ANO9: variants seen among roughly 807,000 people sequenced by gnomAD.
ANO9 encodes anoctamin 9, also known as anoctamin-9.
A neutral mutation model predicts 100.5 loss-of-function variants in ANO9; 80 were observed. That is an observed-to-expected ratio of 0.80 (90% CI 0.66 to 0.96). The LOEUF (loss-of-function observed/expected upper bound fraction) is 0.96, where lower values mean the gene tolerates loss of function less well. Ranked by LOEUF, ANO9 falls within the 40% of genes least tolerant of loss-of-function variation. The pLI, the probability that ANO9 is intolerant of heterozygous loss-of-function variation, is 0.00. For synonymous variants in ANO9, 473 were observed against 435.6 expected, an observed-to-expected ratio of 1.09 and a Z score of -1.07; for missense variants, 1,064 against 1,072.7, an observed-to-expected ratio of 0.99 and a Z score of 0.11.
At chr11:426,872 C>T (rs929266665) in intron 15 of ANO9, among the ~76,000 whole-genome samples, 5 of 152,190 alleles carry the variant, frequency 3.3e-5, no homozygotes, top group African/African-American at 9.7e-5. Context: ...GGGGTTTGAA[C>T]AACCAGGGAC....
At chr11:435,580 TATAGC>T (rs1849437604) in intron 1 of ANO9, among the ~76,000 whole-genome samples, 1 of 132,916 alleles carries the variant, frequency 7.5e-6, no homozygotes, top group Non-Finnish European at 1.7e-5. Context: ...TATAGCATAG[TATAGC>T]ATAGCATAGC....
rs1849245824 is a variant in ANO9, at chr11:433,911, A to G, written c.108T>C (p.Tyr36=). The change falls in exon 3 of 23, where the codon TAT becomes TAC. Residue 36 remains tyrosine (Y), a synonymous_variant. Coordinates refer to ENST00000332826, the MANE Select transcript of ANO9 (RefSeq NM_001012302.3). ...CETEASEQWD[Y]VLVAQRHTQR... ...GGGTGTGACGTTGGGCCACGAGGAC[A>G]TAGTCCCACTGCTCGGAGGCCTCGG... 1.3e-6 allele frequency: 2 copies of G among 1,563,860 alleles called. No homozygotes were observed. Among genetic ancestry groups the G allele is most frequent in the Non-Finnish European group, 1.7e-6 (2 of 1,154,170 alleles).
rs1047954893 is a variant in ANO9, at chr11:422,097, G to A, written c.1335-899C>T. On this transcript the variant is annotated intron_variant, in intron 15 of 22. Transcript: ENST00000332826. The surrounding 1 kb of genome is among the most constrained non-coding windows in gnomAD (Gnocchi z 4.3). ...CAGCAGAACTGGCTTTTCCGTGTGCGGCAAAGCTGCGGGGAAACATGGCAT... is the reference window on the plus strand; with the variant it reads ...CAGCAGAACTGGCTTTTCCGTGTGCAGCAAAGCTGCGGGGAAACATGGCAT... 7.9e-5 allele frequency among the ~76,000 whole-genome samples: 12 copies of A among 152,174 alleles called. No homozygotes were observed. The highest frequency in any genetic ancestry group is 2.6e-4 in the Admixed American group (4 of 15,282).
chr11:437,429 C>G (rs370170051), intron 1 of ANO9, among the ~76,000 whole-genome samples: 8 of 150,350 alleles, frequency 5.3e-5, no homozygotes, highest in African/African-American at 1.5e-4. Flanking sequence ...CTAGTTGGCC[C>G]ACGGGGCTCA....
chr11:433,952 C>A lies in ANO9; in HGVS notation c.82-15G>T. ...GAGGCCTCGGTCTGCAGGGAGGAGGCATGGGGCCAGGCGCAGGTGAAGGGG... is the reference window on the plus strand; with the variant it reads ...GAGGCCTCGGTCTGCAGGGAGGAGGAATGGGGCCAGGCGCAGGTGAAGGGG... On this transcript the variant is annotated splice_polypyrimidine_tract_variant and intron_variant, in intron 2 of 22. Coordinates refer to ENST00000332826, the MANE Select transcript of ANO9 (RefSeq NM_001012302.3). The A allele has an allele frequency of 6.4e-7, 1 of 1,556,996 alleles. No homozygotes were observed. Among genetic ancestry groups the A allele is most frequent in the East Asian group, 2.4e-5 (1 of 42,424 alleles).
chr11:429,465 G>T, intron 11 of ANO9, 105 bp downstream of exon 11: 3 of 1,528,462 alleles, frequency 2.0e-6, no homozygotes, highest in Non-Finnish European at 2.6e-6. Flanking sequence ...ACAGACTCGG[G>T]ACACACACCT....
At chr11:434,411 C>T (rs930683266) in intron 1 of ANO9, among the ~76,000 whole-genome samples, 6 of 152,198 alleles carry the variant, frequency 3.9e-5, no homozygotes, top group African/African-American at 1.4e-4. Context: ...GGGGAAGCGA[C>T]GGGAACTCCA....
intron 1 of ANO9, among the ~76,000 whole-genome samples, chr11:436,597 G>A (rs1392735650): frequency 6.5e-5 from 9 of 137,720 alleles, no homozygotes; most frequent in Non-Finnish European, 9.4e-5. Context: ...GTTAGGAACC[G>A]GGCCACAGAG....
chr11:438,092 C>T (rs975488729), intron 1 of ANO9, among the ~76,000 whole-genome samples: 1 of 152,098 alleles, frequency 6.6e-6, no homozygotes, highest in Non-Finnish European at 1.5e-5. Context: ...GAAACCCCCT[C>T]CCCACCAAAG....
chr11:429,279 A>G (rs546223441), intron 11 of ANO9, among the ~76,000 whole-genome samples: 2 of 138,924 alleles, frequency 1.4e-5, no homozygotes, highest in South Asian at 2.3e-4. Flanking sequence ...CGGGACACTC[A>G]CCCCACACAT....
rs899084142 is a variant in ANO9, at chr11:418,049, A to G, written c.*322T>C. On this transcript the variant is annotated 3_prime_UTR_variant, in exon 23 of 23. Coordinates refer to ENST00000332826, the MANE Select transcript of ANO9 (RefSeq NM_001012302.3). ...GGGGGCACGGCAGGATCTGGCGCCC[A>G]GAAGTCAGAGGGAGGCCCAGGAAAT... 2 of 340,224 alleles carry G rather than the reference A, an allele frequency of 5.9e-6. No individual in the cohort carries two copies. The highest frequency in any genetic ancestry group is 1.1e-5 in the Non-Finnish European group (2 of 185,836). 21.1% of individuals were successfully genotyped at this position (340,224 alleles called of 1,614,324 possible).
chr11:428,464 C>A lies in ANO9; in HGVS notation c.1185+11G>T, dbSNP rs755149360. ...CCCCCCAGCTCGGGCCTGCCCTGCT[C>A]CCGGCCCCACCTTGGTCATGATGAT... is the stretch of plus-strand genomic sequence containing the variant. On this transcript the variant is annotated intron_variant, in intron 13 of 22. Transcript: ENST00000332826. 6.2e-7 allele frequency: 1 copy of A among 1,612,372 alleles called. No homozygotes were observed.
Position 420,488 on chromosome 11 carries a change from C to T in ANO9, c.1761G>A (p.Leu587=). 6.2e-7 allele frequency: 1 copy of T among 1,603,814 alleles called. No individual in the cohort carries two copies. The highest frequency in any genetic ancestry group is 2.2e-5 in the East Asian group (1 of 44,858). ...CGATGTCCTTGGCCTTGCGCGGCACCAGGCGCCGCTGCAACCAGACCATCT... is the reference window on the plus strand; with the variant it reads ...CGATGTCCTTGGCCTTGCGCGGCACTAGGCGCCGCTGCAACCAGACCATCT... ...AIKMVWLQRR[L]VPRKAKDIGT... is the part of the protein sequence containing the mutation. Residue 587 remains leucine, a synonymous_variant, in exon 19 of 23, where the codon CTG becomes CTA. Transcript: ENST00000332826.
At position 441,701 on chromosome 11, in the gene ANO9, G is replaced by A. The variant is rs916493242; in HGVS notation, c.6+220C>T. 1.2e-4 allele frequency among the ~76,000 whole-genome samples: 18 copies of A among 152,122 alleles called. No individual in the cohort carries two copies. Among genetic ancestry groups the A allele is most frequent in the Non-Finnish European group, 2.1e-4 (14 of 68,012 alleles). On this transcript the variant is annotated intron_variant, in intron 1 of 22. Coordinates refer to ENST00000332826, the MANE Select transcript of ANO9 (RefSeq NM_001012302.3). ...CGGGCTGGAGGGAGGAACGCCGCCC[G>A]CCTCCAGCACTTCCAACCCCCAGCG...
chr11:434,065 C>G lies in ANO9; in HGVS notation c.40G>C (p.Glu14Gln), dbSNP rs777434943. The G allele has an allele frequency of 3.1e-5, 48 of 1,550,826 alleles. No individual in the cohort carries two copies. The highest frequency in any genetic ancestry group is 4.0e-5 in the Non-Finnish European group (46 of 1,147,316). ...TCCATCAGCGGGAAGCTGTCCCCTT[C>G]GGGCTCCACCAGGATCCGGAGGCTC... is the stretch of plus-strand genomic sequence containing the variant. ...EESLRILVEP[E>Q]GDSFPLMEIS... The change falls in exon 2 of 23, where the codon GAA (glutamate) becomes CAA (glutamine). Residue 14 changes from glutamate (E) to glutamine (Q), a missense_variant. Transcript: ENST00000332826.
intron 1 of ANO9, among the ~76,000 whole-genome samples, chr11:437,391 A>G (rs1451420451): frequency 6.6e-6 from 1 of 152,138 alleles, no homozygotes; most frequent in Non-Finnish European, 1.5e-5. Flanking sequence ...GCCACACTGC[A>G]GCCTCCCTGC....
intron 1 of ANO9, among the ~76,000 whole-genome samples, chr11:437,994 G>A (rs939790454): frequency 3.9e-5 from 6 of 152,120 alleles, no homozygotes; most frequent in Admixed American, 1.3e-4. Context: ...CAGGACTTTC[G>A]GAGAAGCCTG....
In ANO9 at chr11:420,875, G is replaced by T; in HGVS notation, c.1491-15C>A. On this transcript the variant is annotated splice_polypyrimidine_tract_variant and intron_variant, in intron 17 of 22. Transcript: ENST00000332826. ...GGGTCACCCACCTGCGGGGAGAGCT[G>T]CGTGGCAGGGAGGGCGCAGGGGGCG... is the stretch of plus-strand genomic sequence containing the variant. 1 of 1,588,886 alleles carries T rather than the reference G, an allele frequency of 6.3e-7. No individual in the cohort carries two copies. The highest frequency in any genetic ancestry group is 1.3e-5 in the African/African-American group (1 of 74,756).
intron 20 of ANO9, 153 bp downstream of exon 20, chr11:419,429 G>A (rs953681638): frequency 7.0e-7 from 1 of 1,433,794 alleles, no homozygotes; most frequent in Non-Finnish European, 9.1e-7. Context: ...AGTGGGCGCA[G>A]GGCAGGGGCC....
Sources: allele counts gnomAD v4.1 joint callset (sites outside exome capture counted in the v4.1 genomes callset), GRCh38; gene constraint gnomAD v4.1.1; non-coding constraint Gnocchi (gnomAD v3.1); transcripts MANE v1.5; gene names NCBI Gene and HGNC (gene_info 2026-07-23, HGNC 2026-07-21).